NDUFA10: variants seen among roughly 807,000 people sequenced by gnomAD.
NDUFA10 encodes the protein NADH:ubiquinone oxidoreductase subunit A10, also known as NADH dehydrogenase [ubiquinone] 1 alpha subcomplex subunit 10, mitochondrial.
NDUFA10 carries 40 observed loss-of-function variants against 47.8 expected under a neutral mutation model. The observed-to-expected ratio is 0.84, with a 90% CI of 0.65 to 1.09. The LOEUF is 1.09. Ranked by LOEUF, NDUFA10 falls within the 50% of genes least tolerant of loss-of-function variation. The probability of loss-of-function intolerance (pLI) is 0.00; values close to 1 mark genes in which losing one functional copy is unlikely to be tolerated. For missense variants in NDUFA10, 413 were observed against 451.1 expected, an observed-to-expected ratio of 0.92 and a Z score of 0.76; for synonymous variants, 183 against 172.2, an observed-to-expected ratio of 1.06 and a Z score of -0.49.
intron 7 of NDUFA10, among the ~76,000 whole-genome samples, chr2:240,005,916 C>A (rs776256939): frequency 1.6e-4 from 24 of 152,150 alleles, no homozygotes; most frequent in Non-Finnish European, 2.5e-4. Context: ...CTACTCATTT[C>A]TTCCCAAGTA....
Position 239,932,409 on chromosome 2 carries a change from G to A in NDUFA10, c.295-37095C>T, listed in dbSNP as rs114030924. ...TGCAAAGCCTACACGGTTACCATGC[G>A]ACAGCAGTAAAACATTTCTGCGCTT... is the stretch of plus-strand genomic sequence containing the variant. On this transcript the variant is annotated intron_variant, in intron 4 of 5. Coordinates refer to the NDUFA10 transcript ENST00000419408. Among the ~76,000 whole-genome samples the A allele has an allele frequency of 2.7e-3, 412 of 152,228 alleles. 1 individual carries two copies. The highest frequency in any genetic ancestry group is 9.4e-3 in the African/African-American group (389 of 41,550).
chr2:239,974,045 G>A (rs1025848352), intron 9 of NDUFA10, among the ~76,000 whole-genome samples: 1 of 152,130 alleles, frequency 6.6e-6, no homozygotes, highest in Non-Finnish European at 1.5e-5. Flanking sequence ...TCATGCCTCA[G>A]CCTCCCGAGT....
chr2:239,933,540 G>A (rs1025683949), intron 4 of NDUFA10, among the ~76,000 whole-genome samples: 5 of 98,818 alleles, frequency 5.1e-5, no homozygotes, highest in African/African-American at 1.3e-4. Flanking sequence ...TTGTTTTGAC[G>A]GAATCTCGCT....
chr2:240,022,172 C>T lies in NDUFA10; in HGVS notation c.244G>A (p.Gly82Ser), dbSNP rs199709721. The change falls in exon 2 of 10, where the codon GGC (glycine) becomes AGC (serine). Residue 82 changes from glycine (G) to serine (S), a missense_variant and splice_region_variant. Gly to Ser is a moderately conservative substitution (Grantham distance 56, BLOSUM62 0). Transcript: ENST00000252711. Reference protein sequence around the residue: ...KLAKEIAEKLGFKHFPEAGIH... With the variant: ...KLAKEIAEKLSFKHFPEAGIH... The stretch of plus-strand genomic sequence containing the variant: ...CATTCTGTGTAACATAAAATCATAC[C>T]TAGTTTCTCTGCTATTTCTTTTGCA... 32 of 1,607,476 alleles carry T rather than the reference C, an allele frequency of 2.0e-5. No individual in the cohort carries two copies. The highest frequency in any genetic ancestry group is 2.7e-5 in the Non-Finnish European group (32 of 1,174,206).
rs1694763282 is a variant in NDUFA10, at chr2:239,959,596, C to T, written c.*1522G>A. 3 of 985,648 alleles carry T rather than the reference C, an allele frequency of 3.0e-6. No homozygotes were observed. Among genetic ancestry groups the T allele is most frequent in the Non-Finnish European group, 3.6e-6 (3 of 830,028 alleles). 61.1% of individuals were successfully genotyped at this position (985,648 alleles called of 1,614,324 possible). A position where few individuals can be genotyped will look rare whatever the true frequency, so the allele number is the denominator to read the frequency against. ...ACTCCAATTCAAAACTCCTGGGAAA[C>T]TTTATTTTCAAATTCTTAAAACAAG... On this transcript the variant is annotated 3_prime_UTR_variant, in exon 10 of 10. Coordinates refer to ENST00000252711, the MANE Select transcript of NDUFA10 (RefSeq NM_004544.4).
downstream of NDUFA10, chr2:239,957,261 C>T (rs939462382): frequency 2.6e-5 from 4 of 152,236 alleles, no homozygotes; most frequent in African/African-American, 9.7e-5. Flanking sequence ...ATGCAGGAGG[C>T]CCCATCAACG....
intron 4 of NDUFA10, among the ~76,000 whole-genome samples, chr2:240,015,744 A>G (rs968864796): frequency 5.9e-5 from 9 of 152,260 alleles, no homozygotes; most frequent in Non-Finnish European, 1.3e-4. Flanking sequence ...AGTGCACGCC[A>G]GTGCATGTGG....
At chr2:239,903,033 C>T (rs569070290) in intron 4 of NDUFA10, among the ~76,000 whole-genome samples, 89 of 152,300 alleles carry the variant, frequency 5.8e-4, no homozygotes, top group African/African-American at 2.1e-3. Context: ...CGTGGAAAGG[C>T]AGGCCCGGAA....
At position 239,974,762 on chromosome 2, in the gene NDUFA10, CTG is replaced by C. The variant is rs1386247171; in HGVS notation, c.1000-13578_1000-13577del. Among the ~76,000 whole-genome samples, 250 of 152,174 alleles carry C rather than the reference CTG, an allele frequency of 1.6e-3. 1 individual carries two copies. Among genetic ancestry groups the C allele is most frequent in the African/African-American group, 4.0e-3 (167 of 41,486 alleles). ...TGGTCATTTAAAAATATGTGACACT[CTG>C]CCACCAAAGATCTGGTCATTTAAAA... is the stretch of plus-strand genomic sequence containing the variant. On this transcript the variant is annotated intron_variant, in intron 9 of 9. Transcript: ENST00000252711.
chr2:239,961,574 T>C (rs1694853513), intron 9 of NDUFA10, among the ~76,000 whole-genome samples: 1 of 152,126 alleles, frequency 6.6e-6, no homozygotes. Context: ...GAACCACAGT[T>C]CACCAACTGA....
At chr2:239,998,229 C>G (rs891271752) in intron 8 of NDUFA10, among the ~76,000 whole-genome samples, 1 of 152,098 alleles carries the variant, frequency 6.6e-6, no homozygotes, top group Non-Finnish European at 1.5e-5. Flanking sequence ...TCCCCTCACC[C>G]CTCCCTCCTT....
At chr2:239,991,433 T>A (rs1696244469) in intron 8 of NDUFA10, among the ~76,000 whole-genome samples, 1 of 152,200 alleles carries the variant, frequency 6.6e-6, no homozygotes, top group Non-Finnish European at 1.5e-5. Flanking sequence ...TGTACATACT[T>A]ACAGATAAGA....
At chr2:239,962,474 A>C (rs2106395710) in intron 9 of NDUFA10, among the ~76,000 whole-genome samples, 1 of 152,224 alleles carries the variant, frequency 6.6e-6, no homozygotes. Flanking sequence ...AAGACCAGCC[A>C]TCTCACACAC....
At chr2:239,953,030 G>T (rs1034806394), downstream of NDUFA10, among the ~76,000 whole-genome samples, 7 of 152,330 alleles carry the variant, frequency 4.6e-5, no homozygotes, top group South Asian at 6.2e-4. Context: ...TCGGCCCAAG[G>T]TGGGGACTGT....
intron 8 of NDUFA10, among the ~76,000 whole-genome samples, chr2:239,994,561 A>G (rs982414728): frequency 2.0e-5 from 3 of 152,120 alleles, no homozygotes; most frequent in Non-Finnish European, 2.9e-5. Context: ...TAAGAATGTA[A>G]TAATAAGAGA....
rs1035003783 is a variant in NDUFA10 at position 240,020,168 on chromosome 2, T to C, written c.460+1029A>G. On this transcript the variant is annotated intron_variant, in intron 3 of 9. Transcript: ENST00000252711. The stretch of plus-strand genomic sequence containing the variant: ...TAGCTCAGCTCTGAGAAGAAGCCTG[T>C]GAGCCGGCCACTCCCAGTGAAAACC... 2.0e-5 allele frequency among the ~76,000 whole-genome samples: 3 copies of C among 152,346 alleles called. No homozygotes were observed. The South Asian group carries it at 6.2e-4, about 32-fold the overall frequency.
chr2:239,916,130 C>T (rs1693872972), intron 4 of NDUFA10, among the ~76,000 whole-genome samples: 1 of 151,734 alleles, frequency 6.6e-6, no homozygotes, highest in African/African-American at 2.4e-5. Flanking sequence ...TACATAGACA[C>T]ACACAAATAT....
chr2:239,907,981 A>G (rs1693686329), intron 4 of NDUFA10, among the ~76,000 whole-genome samples: 1 of 152,214 alleles, frequency 6.6e-6, no homozygotes, highest in Non-Finnish European at 1.5e-5. Context: ...ACAATAGCAA[A>G]GACTTGGAAC....
intron 4 of NDUFA10, among the ~76,000 whole-genome samples, chr2:239,935,392 G>A (rs574391150): frequency 9.2e-5 from 14 of 152,360 alleles, no homozygotes; most frequent in Non-Finnish European, 1.8e-4. Context: ...ATCGCTGACC[G>A]GATTCCCTGG....
Sources: gnomAD v4.1 joint callset for allele counts (sites outside exome capture counted in the v4.1 genomes callset) on GRCh38, gnomAD v4.1.1 for gene constraint, MANE v1.5 for transcripts, NCBI Gene and HGNC (gene_info 2026-07-23, HGNC 2026-07-21) for gene names.